The following GMDS variants were observed in gnomAD, a reference collection of about 807,000 sequenced individuals.
GMDS encodes the protein GDP-mannose 4,6-dehydratase.
Under a neutral mutation model 49.9 loss-of-function variants are expected in GMDS, and 20 were observed. The ratio of observed to expected loss-of-function variants is 0.40; its 90% CI spans 0.28 to 0.58. The LOEUF (loss-of-function observed/expected upper bound fraction) is 0.58. GMDS is among the 20% of genes least tolerant of loss of function. GMDS has a pLI of 0.42. For missense variants in GMDS, 362 were observed against 481.4 expected, an observed-to-expected ratio of 0.75 and a Z score of 2.32; for synonymous variants, 177 against 178.6, an observed-to-expected ratio of 0.99 and a Z score of 0.07.
chr6:1,996,328 T>G (rs1311422432), intron 4 of GMDS, among the ~76,000 whole-genome samples: 2 of 152,122 alleles, frequency 1.3e-5, no homozygotes, highest in Non-Finnish European at 2.9e-5. Flanking sequence ...GTAGTGTACC[T>G]TTTTAAGAGA....
intron 9 of GMDS, among the ~76,000 whole-genome samples, chr6:1,718,252 C>A (rs928438043): frequency 2.0e-5 from 3 of 152,130 alleles, no homozygotes; most frequent in Non-Finnish European, 4.4e-5. Flanking sequence ...CTACACTAGG[C>A]CTCCAGCTCC....
At chr6:2,031,647 GAAACAGAAGCAA>G (rs1395635001) in intron 4 of GMDS, among the ~76,000 whole-genome samples, 1 of 152,126 alleles carries the variant, frequency 6.6e-6, no homozygotes, top group Non-Finnish European at 1.5e-5. Context: ...TCTGGGGAAA[GAAACAGAAGCAA>G]AAACAGAAGT....
At chr6:2,184,169 CCA>C (rs1466812765) in intron 1 of GMDS, among the ~76,000 whole-genome samples, 12 of 152,182 alleles carry the variant, frequency 7.9e-5, no homozygotes, top group African/African-American at 2.4e-4. Flanking sequence ...TTTTCTCTGC[CCA>C]CACTTTTATC....
At chr6:1,698,385 C>T (rs933736332) in intron 9 of GMDS, among the ~76,000 whole-genome samples, 4 of 152,180 alleles carry the variant, frequency 2.6e-5, no homozygotes, top group East Asian at 1.9e-4. Flanking sequence ...GTCCTCCACC[C>T]GTGTGGTCCA....
intron 6 of GMDS, among the ~76,000 whole-genome samples, chr6:1,946,459 A>G (rs1763077652): frequency 6.6e-6 from 1 of 152,202 alleles, no homozygotes; most frequent in South Asian, 2.1e-4. Context: ...TGAGTGACAG[A>G]GCATCTGGCA....
intron 4 of GMDS, among the ~76,000 whole-genome samples, chr6:1,965,762 G>T (rs940426688): frequency 1.1e-4 from 16 of 152,196 alleles, no homozygotes; most frequent in Non-Finnish European, 2.2e-4. Context: ...GAACCCAGGA[G>T]GTTGAGGCTC....
At chr6:1,952,846 G>A (rs2127280609) in intron 6 of GMDS, among the ~76,000 whole-genome samples, 1 of 152,228 alleles carries the variant, frequency 6.6e-6, no homozygotes, top group South Asian at 2.1e-4. Flanking sequence ...GAGAATGGAA[G>A]AAATACGCTG....
At chr6:2,185,105 T>C (rs1778721062) in intron 1 of GMDS, among the ~76,000 whole-genome samples, 1 of 152,226 alleles carries the variant, frequency 6.6e-6, no homozygotes, top group Admixed American at 6.5e-5. Flanking sequence ...AGCTTTAAAC[T>C]TAGATTTGAC....
chr6:1,706,700 C>T (rs1765750201), intron 9 of GMDS, among the ~76,000 whole-genome samples: 1 of 152,216 alleles, frequency 6.6e-6, no homozygotes, highest in Non-Finnish European at 1.5e-5. Flanking sequence ...CGTTTGCTCA[C>T]CTGTGTGTAG....
rs565433908 is a variant in GMDS, at chr6:2,111,769, T to A, written c.345+4002A>T. ...ATTAATCTTATGGCAAACATTACACTGTCAGAAGTAACTTTTTTTGTCTAA... is the reference window on the plus strand; with the variant it reads ...ATTAATCTTATGGCAAACATTACACAGTCAGAAGTAACTTTTTTTGTCTAA... On this transcript the variant is annotated intron_variant, in intron 4 of 10. Transcript: ENST00000380815. Among the ~76,000 whole-genome samples, 9 of 152,370 alleles carry A rather than the reference T, an allele frequency of 5.9e-5. No homozygotes were observed. The South Asian group carries it at 1.9e-3, about 32-fold the overall frequency.
At chr6:1,744,484 A>C (rs1241881863) in intron 7 of GMDS, among the ~76,000 whole-genome samples, 2 of 152,158 alleles carry the variant, frequency 1.3e-5, no homozygotes, top group Non-Finnish European at 2.9e-5. Flanking sequence ...ATAAAGCATG[A>C]GCTTTTAAAA....
chr6:2,109,738 C>T (rs1316053796), intron 4 of GMDS, among the ~76,000 whole-genome samples: 1 of 152,204 alleles, frequency 6.6e-6, no homozygotes, highest in Non-Finnish European at 1.5e-5. Flanking sequence ...GTCGTCTGTT[C>T]CAGTAGTGGA....
chr6:1,974,593 T>C (rs1049065291), intron 4 of GMDS, among the ~76,000 whole-genome samples: 1 of 152,114 alleles, frequency 6.6e-6, no homozygotes, highest in African/African-American at 2.4e-5. Flanking sequence ...CACTGGTAAA[T>C]ATCAAGGAGC....
chr6:1,878,231 C>T (rs899216703), intron 7 of GMDS, among the ~76,000 whole-genome samples: 11 of 141,432 alleles, frequency 7.8e-5, no homozygotes, highest in South Asian at 2.2e-4. Context: ...AGGAGAACGG[C>T]ATGAACCTGG....
intron 4 of GMDS, among the ~76,000 whole-genome samples, chr6:2,101,020 T>G (rs1183535380): frequency 6.6e-6 from 1 of 151,910 alleles, no homozygotes; most frequent in Admixed American, 6.6e-5. Context: ...GTATTAAACA[T>G]TTCATGTGCC....
chr6:1,706,981 C>T lies in GMDS; in HGVS notation c.987+19435G>A, dbSNP rs566910021. Among the ~76,000 whole-genome samples the T allele has an allele frequency of 3.3e-5, 5 of 152,328 alleles. No homozygotes were observed. In the East Asian group the frequency reaches 9.6e-4, roughly 29 times the overall value. ...CAGTATTTTCGGGAAGGCAAGGAAG[C>T]ATTTGGCATCTCATACTGGTTCCTA... On this transcript the variant is annotated intron_variant, in intron 9 of 10. Coordinates refer to ENST00000380815, the MANE Select transcript of GMDS (RefSeq NM_001500.4).
chr6:2,203,546 T>C (rs372777296), intron 1 of GMDS, among the ~76,000 whole-genome samples: 44 of 152,282 alleles, frequency 2.9e-4, no homozygotes, highest in African/African-American at 1.0e-3. Context: ...AAGCACAGTG[T>C]GAATACTGGT....
intron 1 of GMDS, among the ~76,000 whole-genome samples, chr6:2,175,058 G>A (rs11759086): frequency 6.6e-6 from 1 of 152,162 alleles, no homozygotes; most frequent in Non-Finnish European, 1.5e-5. Flanking sequence ...TGAAGGGGAA[G>A]GGGGGTGAGG....
At chr6:1,649,309 T>G (rs1763581425) in intron 9 of GMDS, among the ~76,000 whole-genome samples, 1 of 152,208 alleles carries the variant, frequency 6.6e-6, no homozygotes, top group Non-Finnish European at 1.5e-5. Flanking sequence ...CAAGTGTATG[T>G]CATTAACTCT....
Sources: allele counts gnomAD v4.1 joint callset (sites outside exome capture counted in the v4.1 genomes callset), GRCh38; gene constraint gnomAD v4.1.1; transcripts MANE v1.5; gene names NCBI Gene and HGNC (gene_info 2026-07-23, HGNC 2026-07-21).